The following PCDHGA1 variants were observed in gnomAD, a reference collection of about 807,000 sequenced individuals.
PCDHGA1 encodes the protein protocadherin gamma subfamily A, 1, also known as protocadherin gamma-A1.
A neutral mutation model predicts 58.0 loss-of-function variants in PCDHGA1; 32 were observed. That is an observed-to-expected ratio of 0.55 (90% CI 0.42 to 0.74). The LOEUF (loss-of-function observed/expected upper bound fraction) is 0.74, where lower values mean the gene tolerates loss of function less well. PCDHGA1 is among the 30% of genes least tolerant of loss of function. PCDHGA1 has a pLI of 0.00. For synonymous variants in PCDHGA1, 498 were observed against 501.1 expected (o/e 0.99, Z 0.08); for missense variants, 1,205 against 1,182.3 (o/e 1.02, Z -0.28).
chr5:141,346,311 A>G, intron 1 of PCDHGA1: 1 of 1,614,210 alleles, frequency 6.2e-7, no homozygotes, highest in Non-Finnish European at 8.5e-7. Flanking sequence ...GGTCTCCCTC[A>G]CTGCGGACTC....
chr5:141,405,231 C>A, intron 1 of PCDHGA1: 1 of 1,614,130 alleles, frequency 6.2e-7, no homozygotes, highest in Non-Finnish European at 8.5e-7. Flanking sequence ...TTCTCCCTCA[C>A]CGCTGACTCA....
chr5:141,378,080 AT>A (rs1360120738), intron 1 of PCDHGA1: 30 of 152,322 alleles, frequency 2.0e-4, no homozygotes, highest in African/African-American at 7.2e-4. Flanking sequence ...AAATAATTTT[AT>A]AACTTTTTTT....
At chr5:141,380,282 T>C (rs1263967352) in intron 1 of PCDHGA1, among the ~76,000 whole-genome samples, 3 of 152,306 alleles carry the variant, frequency 2.0e-5, no homozygotes, top group Admixed American at 6.5e-5. Flanking sequence ...AGGAGAAACA[T>C]TGGAAGATAC....
At chr5:141,355,698 C>T (rs781213427) in intron 1 of PCDHGA1, 1 of 1,613,810 alleles carries the variant, frequency 6.2e-7, no homozygotes, top group Non-Finnish European at 8.5e-7. Flanking sequence ...GTGTAAACTC[C>T]CTGCAGGGTT....
rs1271916110 is a variant in PCDHGA1, at chr5:141,394,787, C to T, written c.2421+61682C>T. 11 of 1,613,632 alleles carry T rather than the reference C, an allele frequency of 6.8e-6. 1 individual carries two copies. The highest frequency in any genetic ancestry group is 9.3e-6 in the Non-Finnish European group (11 of 1,180,016). On this transcript the variant is annotated intron_variant, in intron 1 of 3. Transcript: ENST00000517417. ...GCCAGCCCCCTCTCTCCGCCACTGT[C>T]ACGCTCACCGTAGCCGTGGCTGACA... is the stretch of plus-strand genomic sequence containing the variant.
intron 1 of PCDHGA1, chr5:141,389,984 C>G: frequency 6.2e-7 from 1 of 1,614,070 alleles, no homozygotes; most frequent in Non-Finnish European, 8.5e-7. Flanking sequence ...TCTCAGTGCT[C>G]TTCCTCGTGG....
At position 141,511,130 on chromosome 5, in the gene PCDHGA1, G is replaced by A. The variant is rs777082914; in HGVS notation, c.2753G>A (p.Gly918Asp). ...GKRDGKAPAG[G>D]NGNKKKSGKK... ...CGGGATGGCAAGGCCCCAGCAGGTG[G>A]CAATGGCAACAAGAAGAAGTCGGGC... The change falls in exon 4 of 4, where the codon GGC (glycine) becomes GAC (aspartate). Residue 918 changes from glycine (G) to aspartate (D), a missense_variant. Coordinates refer to ENST00000517417, the MANE Select transcript of PCDHGA1 (RefSeq NM_018912.3). 6.2e-7 allele frequency: 1 copy of A among 1,614,210 alleles called. No homozygotes were observed. The highest frequency in any genetic ancestry group is 1.1e-5 in the South Asian group (1 of 91,090).
Position 141,422,179 on chromosome 5 carries a change from A to G in PCDHGA1, c.2422-72628A>G, listed in dbSNP as rs757086661. The G allele has an allele frequency of 2.0e-5, 32 of 1,562,402 alleles. No homozygotes were observed. Among genetic ancestry groups the G allele is most frequent in the Non-Finnish European group, 2.6e-5 (30 of 1,159,048 alleles). ...TTTTGAAAAATATAGATTCTATGAG[A>G]TGGAAATTCAAGGCCAAGATGGTGG... is the stretch of plus-strand genomic sequence containing the variant. On this transcript the variant is annotated intron_variant, in intron 1 of 3. Coordinates refer to ENST00000517417, the MANE Select transcript of PCDHGA1 (RefSeq NM_018912.3).
Position 141,486,650 on chromosome 5 carries a change from T to C in PCDHGA1, c.2422-8157T>C, listed in dbSNP as rs1321605826. On this transcript the variant is annotated intron_variant, in intron 1 of 3. Coordinates refer to ENST00000517417, the MANE Select transcript of PCDHGA1 (RefSeq NM_018912.3). The surrounding 1 kb of genome is among the most constrained non-coding windows in gnomAD (Gnocchi z 5.0). ...TGGCTTGAATGCGCTTATCTCCTAC[T>C]CACTCCTGGAGCCCAGGAATCGAGA... is the stretch of plus-strand genomic sequence containing the variant. The C allele has an allele frequency of 6.2e-7, 1 of 1,613,834 alleles. No individual in the cohort carries two copies. Among genetic ancestry groups the C allele is most frequent in the African/African-American group, 1.3e-5 (1 of 74,938 alleles).
chr5:141,338,963 A>T (rs548687567), intron 1 of PCDHGA1: 2 of 1,526,178 alleles, frequency 1.3e-6, no homozygotes, highest in Non-Finnish European at 1.8e-6. Context: ...AAATTGCGAC[A>T]GGAGGGAAAT....
At position 141,490,551 on chromosome 5, in the gene PCDHGA1, T is replaced by A; in HGVS notation, c.2422-4256T>A. On this transcript the variant is annotated intron_variant, in intron 1 of 3. Coordinates refer to ENST00000517417, the MANE Select transcript of PCDHGA1 (RefSeq NM_018912.3). This position sits in a 1 kb window ranked among gnomAD's most constrained non-coding sequence, Gnocchi z 5.4. ...CTGGTTCACCTTCCCTACACAAACA[T>A]CTCACCATCAGGCTCAACATTTCAG... is the stretch of plus-strand genomic sequence containing the variant. 1 of 1,614,088 alleles carries A rather than the reference T, an allele frequency of 6.2e-7. No individual in the cohort carries two copies. Among genetic ancestry groups the A allele is most frequent in the East Asian group, 2.2e-5 (1 of 44,874 alleles).
chr5:141,455,159 G>GTT (rs1390145608), intron 1 of PCDHGA1, among the ~76,000 whole-genome samples: 4 of 144,860 alleles, frequency 2.8e-5, no homozygotes, highest in African/African-American at 7.8e-5. Context: ...TTAGTTTGTT[G>GTT]GTTTTTTTTT....
intron 1 of PCDHGA1, chr5:141,399,585 T>C (rs1452769752): frequency 6.2e-7 from 1 of 1,613,984 alleles, no homozygotes; most frequent in South Asian, 1.1e-5. Context: ...TCTCCTACTC[T>C]ATCATGGCCA....
chr5:141,333,572 AC>A (rs1756473993), intron 1 of PCDHGA1: 1 of 190,526 alleles, frequency 5.2e-6, no homozygotes, highest in Non-Finnish European at 1.1e-5. Flanking sequence ...TTATTTGGGG[AC>A]ATTTGAAGAG....
At chr5:141,397,896 C>G (rs371654961) in intron 1 of PCDHGA1, 48 of 650,728 alleles carry the variant, frequency 7.4e-5, no homozygotes, top group African/African-American at 2.0e-4. Flanking sequence ...GGCCAAAGTG[C>G]AGAGCTTGGC....
At chr5:141,433,084 T>G in intron 1 of PCDHGA1, 1 of 1,614,184 alleles carries the variant, frequency 6.2e-7, no homozygotes, top group Non-Finnish European at 8.5e-7. Flanking sequence ...AGCCCAACTA[T>G]GCAGACATGC....
chr5:141,388,226 G>A, intron 1 of PCDHGA1: 1 of 1,605,056 alleles, frequency 6.2e-7, no homozygotes, highest in Non-Finnish European at 8.5e-7. Flanking sequence ...AAAATCCACT[G>A]AACTTTTATC....
chr5:141,424,797 C>G (rs1262781875), intron 1 of PCDHGA1: 1 of 151,908 alleles, frequency 6.6e-6, no homozygotes, highest in Non-Finnish European at 1.5e-5. Flanking sequence ...TTATTCAGAC[C>G]AACTTGTTAT....
chr5:141,351,001 C>T (rs1358534137), intron 1 of PCDHGA1: 3 of 1,613,936 alleles, frequency 1.9e-6, no homozygotes, highest in African/African-American at 1.3e-5. Flanking sequence ...ACAGGGTTAG[C>T]CTCCAAGAAA....
Sources: allele counts gnomAD v4.1 joint callset (sites outside exome capture counted in the v4.1 genomes callset), GRCh38; gene constraint gnomAD v4.1.1; non-coding constraint Gnocchi (gnomAD v3.1); transcripts MANE v1.5; gene names NCBI Gene and HGNC (gene_info 2026-07-23, HGNC 2026-07-21).